Variants in VTA1 observed in about 807,000 individuals in gnomAD.
VTA1 encodes vesicle trafficking 1, also known as vacuolar protein sorting-associated protein VTA1 homolog.
A neutral mutation model predicts 36.9 loss-of-function variants in VTA1; 24 were observed. That is an observed-to-expected ratio of 0.65 (90% CI 0.47 to 0.91). The LOEUF (loss-of-function observed/expected upper bound fraction) is 0.91. Among genes scored for constraint, VTA1 ranks in the 40% least tolerant of loss-of-function variants. The probability of loss-of-function intolerance (pLI) is 0.00; values close to 1 mark genes in which losing one functional copy is unlikely to be tolerated. For missense variants in VTA1, 393 were observed against 377.2 expected, an observed-to-expected ratio of 1.04 and a Z score of -0.35; for synonymous variants, 142 against 130.2, an observed-to-expected ratio of 1.09 and a Z score of -0.62.
chr6:142,190,616 T>C (rs1473263842), intron 5 of VTA1, among the ~76,000 whole-genome samples: 2 of 152,230 alleles, frequency 1.3e-5, no homozygotes, highest in Non-Finnish European at 2.9e-5. Context: ...AGTAAATAGA[T>C]GGTTATAAAG....
chr6:142,192,176 A>G (rs189677015), intron 5 of VTA1, among the ~76,000 whole-genome samples: 1 of 152,190 alleles, frequency 6.6e-6, no homozygotes, highest in Non-Finnish European at 1.5e-5. Flanking sequence ...TAGCAAAGCA[A>G]TATGCATTCA....
intron 4 of VTA1, among the ~76,000 whole-genome samples, chr6:142,175,019 G>GA (rs529452614): frequency 1.6e-4 from 24 of 152,240 alleles, no homozygotes; most frequent in Non-Finnish European, 2.8e-4. Flanking sequence ...TTATAGCAGT[G>GA]AAAACAGACT....
intron 4 of VTA1, among the ~76,000 whole-genome samples, chr6:142,179,788 G>A (rs225671): frequency 0.43 from 65,685 of 152,030 alleles, 15,145 homozygotes; most frequent in Middle Eastern, 0.55. Flanking sequence ...TGCAGAAGTT[G>A]AATGTTGAAC....
intron 6 of VTA1, among the ~76,000 whole-genome samples, chr6:142,199,548 T>C (rs1021023996): frequency 3.5e-5 from 5 of 144,482 alleles, no homozygotes; most frequent in Non-Finnish European, 8.0e-5. Context: ...ACTTTACTTT[T>C]ATTTGTCAGC....
chr6:142,147,516 C>T, intron 1 of VTA1, 117 bp downstream of exon 1: 1 of 1,074,284 alleles, frequency 9.3e-7, no homozygotes, highest in Non-Finnish European at 1.4e-6. Flanking sequence ...TGAGCTTTGA[C>T]CTCGAGCCTA....
intron 4 of VTA1, among the ~76,000 whole-genome samples, chr6:142,181,094 A>AATATAT (rs1169535055): frequency 0.014 from 500 of 36,430 alleles, 30 homozygotes; most frequent in Admixed American, 0.064. Context: ...AAAAAAAAAA[A>AATATAT]ATATATATAT....
rs1352861270 is a variant in VTA1 at position 142,219,630 on chromosome 6, T to C, written c.*987T>C. The stretch of plus-strand genomic sequence containing the variant: ...TACAAAGACAAATGTCTGTTTTTAT[T>C]TGCCTGCTAGGATTGTCTTTTTTAA... On this transcript the variant is annotated 3_prime_UTR_variant, in exon 8 of 8. Transcript: ENST00000367630. The C allele has an allele frequency of 6.6e-6, 1 of 152,230 alleles. No individual in the cohort carries two copies. Among genetic ancestry groups the C allele is most frequent in the Admixed American group, 6.5e-5 (1 of 15,284 alleles). 9.4% of individuals were successfully genotyped at this position (152,230 alleles called of 1,614,324 possible).
intron 1 of VTA1, among the ~76,000 whole-genome samples, chr6:142,148,039 T>C (rs1438807274): frequency 6.6e-6 from 1 of 152,198 alleles, no homozygotes; most frequent in African/African-American, 2.4e-5. Flanking sequence ...AATTTACAGT[T>C]TGATTAAAAA....
intron 4 of VTA1, among the ~76,000 whole-genome samples, chr6:142,175,504 C>A (rs906650181): frequency 6.6e-5 from 10 of 152,052 alleles, no homozygotes; most frequent in Non-Finnish European, 5.9e-5. Context: ...AGCTCTCCCC[C>A]ACCTGTATTT....
intron 7 of VTA1, among the ~76,000 whole-genome samples, chr6:142,206,346 T>TA (rs1349374731): frequency 1.3e-5 from 2 of 152,140 alleles, no homozygotes; most frequent in Non-Finnish European, 2.9e-5. Context: ...AAAAACAAAA[T>TA]ACCATTTACA....
rs183538508 is a variant in VTA1 at position 142,161,329 on chromosome 6, C to G, written c.113-4899C>G. 2.3e-4 allele frequency among the ~76,000 whole-genome samples: 35 copies of G among 152,100 alleles called. No homozygotes were observed. The East Asian group carries it at 6.4e-3, about 28-fold the overall frequency. On this transcript the variant is annotated intron_variant, in intron 1 of 7. Transcript: ENST00000367630. ...TCTATTGAGTGCCACATTTTTTAAC[C>G]TATCAAAGCCTCACTCCTCACAGTT...
At chr6:142,190,278 G>A (rs765128392) in intron 5 of VTA1, among the ~76,000 whole-genome samples, 67 of 152,038 alleles carry the variant, frequency 4.4e-4, no homozygotes, top group Non-Finnish European at 6.9e-4. Flanking sequence ...CACATCCCCC[G>A]TCTTCCCAGA....
In VTA1 at chr6:142,220,914, G is replaced by A. The variant is rs1272621532; in HGVS notation, c.*2271G>A. Reference sequence around the variant, plus strand: ...CTCATAGAGTTTACATTCTAAAAGGGAGGAAATAGATAATAAAATATACAT... The same window carrying A: ...CTCATAGAGTTTACATTCTAAAAGGAAGGAAATAGATAATAAAATATACAT... On this transcript the variant is annotated 3_prime_UTR_variant, in exon 8 of 8. Transcript: ENST00000367630. The A allele has an allele frequency of 1.3e-5, 2 of 151,998 alleles. No individual in the cohort carries two copies. The highest frequency in any genetic ancestry group is 3.9e-4 in the East Asian group (2 of 5,164). The allele number at this position is 151,998 out of a possible 1,614,324, so 9.4% of individuals were successfully genotyped here.
chr6:142,187,704 T>A (rs1775365444), intron 4 of VTA1, among the ~76,000 whole-genome samples: 1 of 152,120 alleles, frequency 6.6e-6, no homozygotes, highest in African/African-American at 2.4e-5. Context: ...ATTTTTAAAT[T>A]GAATATGTAA....
Position 142,166,214 on chromosome 6 carries a change from A to G in VTA1, c.113-14A>G. 6.4e-7 allele frequency: 1 copy of G among 1,572,436 alleles called. No homozygotes were observed. The highest frequency in any genetic ancestry group is 8.7e-7 in the Non-Finnish European group (1 of 1,151,744). ...AAAATGAAATTGTTCAAATTATCTT[A>G]CTTTTCTTTCTAGGTCGTTTATACG... On this transcript the variant is annotated splice_polypyrimidine_tract_variant and intron_variant, in intron 1 of 7. Transcript: ENST00000367630.
rs989487482 is a variant in VTA1 at position 142,169,782 on chromosome 6, G to T, written c.335+105G>T. ...CTTTCTAACCTGCTGATTGATTTAGGTTTTTTTAGAAAAAAATTATCAAAC... is the reference window on the plus strand; with the variant it reads ...CTTTCTAACCTGCTGATTGATTTAGTTTTTTTTAGAAAAAAATTATCAAAC... On this transcript the variant is annotated intron_variant, in intron 3 of 7. Coordinates refer to ENST00000367630, the MANE Select transcript of VTA1 (RefSeq NM_016485.5). 3.6e-6 allele frequency: 4 copies of T among 1,096,552 alleles called. No homozygotes were observed. In the African/African-American group the frequency reaches 5.0e-5, roughly 14 times the overall value. 67.9% of individuals were successfully genotyped at this position (1,096,552 alleles called of 1,614,324 possible). A position where few individuals can be genotyped will look rare whatever the true frequency, so the allele number is the denominator to read the frequency against.
chr6:142,187,156 T>G (rs555284002), intron 4 of VTA1, among the ~76,000 whole-genome samples: 9 of 152,360 alleles, frequency 5.9e-5, no homozygotes, highest in Non-Finnish European at 1.3e-4. Flanking sequence ...TATTATTGAT[T>G]GCGCCCACTA....
chr6:142,161,665 A>G (rs1324723540), intron 1 of VTA1, among the ~76,000 whole-genome samples: 1 of 152,066 alleles, frequency 6.6e-6, no homozygotes, highest in Non-Finnish European at 1.5e-5. Flanking sequence ...TTTTAGCTAA[A>G]TGTTTATTTG....
intron 6 of VTA1, among the ~76,000 whole-genome samples, chr6:142,203,416 TAATA>T (rs1029326201): frequency 1.3e-5 from 2 of 152,126 alleles, no homozygotes; most frequent in Non-Finnish European, 2.9e-5. Flanking sequence ...TTTAGATGAT[TAATA>T]AATAATCTTC....
Sources: allele counts gnomAD v4.1 joint callset (sites outside exome capture counted in the v4.1 genomes callset), GRCh38; gene constraint gnomAD v4.1.1; transcripts MANE v1.5; gene names NCBI Gene and HGNC (gene_info 2026-07-23, HGNC 2026-07-21).